Variants in PARD3 observed in about 807,000 individuals in gnomAD.
The protein encoded by PARD3 is partitioning defective 3 homolog.
Under a neutral mutation model 155.4 loss-of-function variants are expected in PARD3, and 75 were observed. That is an observed-to-expected ratio of 0.48 (90% CI 0.40 to 0.58). The LOEUF (loss-of-function observed/expected upper bound fraction) is 0.58, where lower values mean the gene tolerates loss of function less well. Among genes scored for constraint, PARD3 ranks in the 20% least tolerant of loss-of-function variants. The probability of loss-of-function intolerance (pLI) is 0.00; values close to 1 mark genes in which losing one functional copy is unlikely to be tolerated. For synonymous variants in PARD3, 576 were observed against 610.5 expected, an observed-to-expected ratio of 0.94 and a Z score of 0.83; for missense variants, 1,642 against 1,721.7, an observed-to-expected ratio of 0.95 and a Z score of 0.82.
At chr10:34,760,430 C>T (rs138573932) in intron 1 of PARD3, among the ~76,000 whole-genome samples, 18 of 152,294 alleles carry the variant, frequency 1.2e-4, no homozygotes, top group Middle Eastern at 6.8e-3. Context: ...CTCCTGGGTT[C>T]AAGTGATTCT....
chr10:34,571,871 C>T (rs79777492), intron 2 of PARD3, among the ~76,000 whole-genome samples: 1,874 of 152,162 alleles, frequency 0.012, 41 homozygotes, highest in African/African-American at 0.042. Context: ...ATAAACAAAA[C>T]CATTTGTTTT....
intron 2 of PARD3, among the ~76,000 whole-genome samples, chr10:34,549,616 TA>T (rs1254327970): frequency 3.3e-5 from 5 of 152,216 alleles, no homozygotes; most frequent in Non-Finnish European, 7.3e-5. Context: ...ATTACCAGTT[TA>T]GTGACAAAAC....
chr10:34,677,151 T>C (rs1230312550), intron 2 of PARD3, among the ~76,000 whole-genome samples: 1 of 152,156 alleles, frequency 6.6e-6, no homozygotes, highest in Non-Finnish European at 1.5e-5. Flanking sequence ...TTATTTTCAG[T>C]ATTTCAGTGT....
intron 3 of PARD3, among the ~76,000 whole-genome samples, chr10:34,493,556 A>C (rs906453161): frequency 1.3e-5 from 2 of 151,916 alleles, no homozygotes; most frequent in Admixed American, 6.6e-5. Flanking sequence ...ACATGGTAAA[A>C]CCCCATCTCT....
At chr10:34,141,104 T>C (rs1000607345) in intron 22 of PARD3, among the ~76,000 whole-genome samples, 2 of 152,226 alleles carry the variant, frequency 1.3e-5, no homozygotes, top group African/African-American at 4.8e-5. Context: ...GACTTTGAGG[T>C]TTTTAGACAA....
chr10:34,180,435 C>T (rs973687366), intron 22 of PARD3, among the ~76,000 whole-genome samples: 6 of 152,176 alleles, frequency 3.9e-5, no homozygotes, highest in East Asian at 1.9e-4. Flanking sequence ...ATAATGGAGG[C>T]GGAGAGATGA....
chr10:34,166,462 T>C (rs897975550), intron 22 of PARD3, among the ~76,000 whole-genome samples: 6 of 151,934 alleles, frequency 3.9e-5, no homozygotes, highest in African/African-American at 1.5e-4. Flanking sequence ...AAAATATATA[T>C]TTTTTAATTA....
intron 22 of PARD3, among the ~76,000 whole-genome samples, chr10:34,161,207 T>C (rs1315757379): frequency 2.2e-5 from 3 of 135,970 alleles, no homozygotes; most frequent in Non-Finnish European, 3.0e-5. Context: ...ACTGTGCCAC[T>C]GCACTCCAGG....
At chr10:34,732,718 T>C (rs1241968892) in intron 1 of PARD3, among the ~76,000 whole-genome samples, 2 of 152,172 alleles carry the variant, frequency 1.3e-5, no homozygotes, top group East Asian at 3.8e-4. Context: ...AAATAATTAG[T>C]AATTGATTAA....
chr10:34,256,456 C>A (rs1459957588), intron 22 of PARD3, among the ~76,000 whole-genome samples: 1 of 152,238 alleles, frequency 6.6e-6, no homozygotes, highest in Non-Finnish European at 1.5e-5. Context: ...TCAGTTAAAA[C>A]AAAGGTGATA....
chr10:34,147,457 T>A (rs1473862647), intron 22 of PARD3, among the ~76,000 whole-genome samples: 1 of 151,974 alleles, frequency 6.6e-6, no homozygotes, highest in Non-Finnish European at 1.5e-5. Context: ...TTTCAGGGAT[T>A]TTCAAATTTC....
chr10:34,163,253 TG>T (rs560948990), intron 22 of PARD3, among the ~76,000 whole-genome samples: 1 of 151,592 alleles, frequency 6.6e-6, no homozygotes, highest in Non-Finnish European at 1.5e-5. Context: ...CCACAGCCGG[TG>T]GGGGGGAGGA....
chr10:34,183,181 C>A (rs569438082), intron 22 of PARD3, among the ~76,000 whole-genome samples: 5 of 152,312 alleles, frequency 3.3e-5, no homozygotes, highest in African/African-American at 1.2e-4. Context: ...AATCTCTGAA[C>A]TGACTATTAA....
intron 1 of PARD3, among the ~76,000 whole-genome samples, chr10:34,765,923 G>A (rs1006528857): frequency 3.3e-5 from 5 of 152,092 alleles, no homozygotes; most frequent in African/African-American, 1.2e-4. Flanking sequence ...CCACAGATGA[G>A]GAAACTGAGG....
intron 22 of PARD3, among the ~76,000 whole-genome samples, chr10:34,195,337 G>T (rs887845896): frequency 6.6e-6 from 1 of 152,108 alleles, no homozygotes; most frequent in Non-Finnish European, 1.5e-5. Context: ...TCTTTTCTTT[G>T]TTGTTCAAGT....
At chr10:34,804,993 A>C (rs1056832016) in intron 1 of PARD3, among the ~76,000 whole-genome samples, 3 of 152,220 alleles carry the variant, frequency 2.0e-5, no homozygotes, top group Non-Finnish European at 4.4e-5. Context: ...TATCTCAAAG[A>C]GGCTTTTTGA....
At chr10:34,559,051 C>G (rs186175053) in intron 2 of PARD3, among the ~76,000 whole-genome samples, 1 of 151,624 alleles carries the variant, frequency 6.6e-6, no homozygotes, top group Non-Finnish European at 1.5e-5. Flanking sequence ...TTCCCCCCCA[C>G]AGAATTAGCC....
chr10:34,667,964 A>T (rs1387800629), intron 2 of PARD3, among the ~76,000 whole-genome samples: 2 of 152,218 alleles, frequency 1.3e-5, no homozygotes, highest in African/African-American at 4.8e-5. Context: ...CTAGGGGAAG[A>T]GGAGGTGCAG....
chr10:34,459,497 T>C (rs939894357), intron 4 of PARD3, among the ~76,000 whole-genome samples: 2 of 152,108 alleles, frequency 1.3e-5, no homozygotes, highest in Non-Finnish European at 2.9e-5. Flanking sequence ...AATGCTCCAC[T>C]CTAAATATGT....
Sources: gnomAD v4.1 joint callset for allele counts (sites outside exome capture counted in the v4.1 genomes callset) on GRCh38, gnomAD v4.1.1 for gene constraint, MANE v1.5 for transcripts, NCBI Gene and HGNC (gene_info 2026-07-23, HGNC 2026-07-21) for gene names.